TMED3: variants seen among roughly 807,000 people sequenced by gnomAD.
TMED3 encodes the protein transmembrane emp24 domain-containing protein 3.
A neutral mutation model predicts 15.0 loss-of-function variants in TMED3; 9 were observed. The observed-to-expected ratio is 0.60, with a 90% confidence interval of 0.36 to 1.04. The LOEUF is 1.04. TMED3 is among the 50% of genes least tolerant of loss of function. The pLI, the probability that TMED3 is intolerant of heterozygous loss-of-function variation, is 0.01. For synonymous variants in TMED3, 117 were observed against 121.4 expected (o/e 0.96, Z 0.24); for missense variants, 267 against 278.9 (o/e 0.96, Z 0.30).
At chr15:79,319,577 A>G (rs1295490317) in intron 2 of TMED3, among the ~76,000 whole-genome samples, 3 of 152,192 alleles carry the variant, frequency 2.0e-5, no homozygotes, top group Non-Finnish European at 4.4e-5. Context: ...AGAAATAAAG[A>G]CATAAGACAA....
intron 2 of TMED3, among the ~76,000 whole-genome samples, chr15:79,352,909 AAT>A (rs1171904055): frequency 4.8e-5 from 6 of 125,852 alleles, no homozygotes; most frequent in East Asian, 4.4e-4. Context: ...ATATACATAT[AAT>A]ATATATAAAA....
intron 2 of TMED3, among the ~76,000 whole-genome samples, chr15:79,334,184 TA>T (rs1225183944): frequency 6.6e-6 from 1 of 151,938 alleles, no homozygotes; most frequent in Admixed American, 6.6e-5. Flanking sequence ...CAAATAAGAG[TA>T]AAATAGAATT....
At chr15:79,364,818 G>C (rs1274751327) in intron 2 of TMED3, among the ~76,000 whole-genome samples, 1 of 151,796 alleles carries the variant, frequency 6.6e-6, no homozygotes, top group African/African-American at 2.4e-5. Context: ...ATCCCTCTGA[G>C]AGCCACCTCC....
Position 79,398,530 on chromosome 15 carries a change from A to G in TMED3, c.418-12870A>G, listed in dbSNP as rs994784447. On this transcript the variant is annotated intron_variant, in intron 2 of 2. Transcript: ENST00000424155. ...GAGACCGTGGTGTAGATTTCAATTC[A>G]AGGCTAAAGGCCTGAGAACGGGAAG... Among the ~76,000 whole-genome samples the G allele has an allele frequency of 2.0e-5, 3 of 150,662 alleles. No individual in the cohort carries two copies. The South Asian group carries it at 6.3e-4, about 32-fold the overall frequency.
At chr15:79,392,513 G>A (rs144458620) in intron 2 of TMED3, among the ~76,000 whole-genome samples, 124 of 152,272 alleles carry the variant, frequency 8.1e-4, no homozygotes, top group Admixed American at 2.9e-3. Context: ...TGGTGCTTTT[G>A]TCTCACAGCT....
chr15:79,322,489 G>A lies in TMED3; in HGVS notation c.*275G>A, dbSNP rs1482666056. 4 of 1,267,978 alleles carry A rather than the reference G, an allele frequency of 3.2e-6. No homozygotes were observed. The highest frequency in any genetic ancestry group is 4.0e-6 in the Non-Finnish European group (4 of 1,003,446). The allele number at this position is 1,267,978 out of a possible 1,614,324, so 78.5% of individuals were successfully genotyped here. The stretch of plus-strand genomic sequence containing the variant: ...ATTAGCCACTGTGGGAGGGTGGACA[G>A]GCAATGGTTCAGTGGCCTGGCTGTT... On this transcript the variant is annotated 3_prime_UTR_variant, in exon 3 of 3. Coordinates refer to ENST00000299705, the MANE Select transcript of TMED3 (RefSeq NM_007364.4).
Position 79,411,768 on chromosome 15 carries a change from C to T in TMED3, c.*264C>T, listed in dbSNP as rs1214666693. On this transcript the variant is annotated 3_prime_UTR_variant, in exon 3 of 3. Transcript: ENST00000424155. The stretch of plus-strand genomic sequence containing the variant: ...GAGTTGCTTGGAGAAGTGGTAGGGG[C>T]AGCACTTCAGCCTGGGTGGAGCCCA... 4 of 412,816 alleles carry T rather than the reference C, an allele frequency of 9.7e-6. No homozygotes were observed. In the Admixed American group the frequency reaches 1.0e-4, roughly 11 times the overall value. 25.6% of individuals were successfully genotyped at this position (412,816 alleles called of 1,614,324 possible).
intron 2 of TMED3, among the ~76,000 whole-genome samples, chr15:79,356,799 A>G (rs1303743548): frequency 2.6e-5 from 4 of 152,172 alleles, no homozygotes; most frequent in Non-Finnish European, 5.9e-5. Context: ...CTGTGTAGAG[A>G]TATTCACTGC....
At chr15:79,374,722 G>A (rs1443650677) in intron 2 of TMED3, among the ~76,000 whole-genome samples, 2 of 152,150 alleles carry the variant, frequency 1.3e-5, no homozygotes. Flanking sequence ...GATATTTCTG[G>A]ATGAAGCATG....
rs892498452 is a variant in TMED3, at chr15:79,311,425, C to T, written c.168+8C>T. On this transcript the variant is annotated splice_region_variant and intron_variant, in intron 1 of 2. Coordinates refer to ENST00000299705, the MANE Select transcript of TMED3 (RefSeq NM_007364.4). ...TTCTCCCTGGATTACCAGGTGAGGCCGGGCGCCCGGCAGCGCTCCCTTCTC... is the reference window on the plus strand; with the variant it reads ...TTCTCCCTGGATTACCAGGTGAGGCTGGGCGCCCGGCAGCGCTCCCTTCTC... 5 of 1,600,618 alleles carry T rather than the reference C, an allele frequency of 3.1e-6. No homozygotes were observed. The South Asian group carries it at 4.5e-5, about 14-fold the overall frequency.
At position 79,313,994 on chromosome 15, in the gene TMED3, G is replaced by A; in HGVS notation, c.406G>A (p.Ala136Thr). 6.2e-7 allele frequency: 1 copy of A among 1,614,216 alleles called. No homozygotes were observed. Among genetic ancestry groups the A allele is most frequent in the Non-Finnish European group, 8.5e-7 (1 of 1,180,038 alleles). Residue 136 changes from alanine to threonine, a missense_variant, in exon 2 of 3, where the codon GCT (alanine) becomes ACT (threonine). Physicochemically the swap from Ala to Thr is moderately conservative, Grantham distance 58. Around this residue, in one of 3 missense-constraint regions of TMED3, gnomAD observed 139 missense variants for 125.0 expected, o/e 1.11. Coordinates refer to ENST00000299705, the MANE Select transcript of TMED3 (RefSeq NM_007364.4). ...ILPDMGNRVT[A>T]LTQMESACVT... ...CCCAGACATGGGGAACAGGGTCACAGCTCTCACCCAGGTGAGTGAACATTA... is the reference window on the plus strand; with the variant it reads ...CCCAGACATGGGGAACAGGGTCACAACTCTCACCCAGGTGAGTGAACATTA...
intron 2 of TMED3, among the ~76,000 whole-genome samples, chr15:79,315,059 C>A: frequency 6.6e-6 from 1 of 152,154 alleles, no homozygotes; most frequent in East Asian, 1.9e-4. Context: ...AAAGCCACAG[C>A]GTCTTGAACT....
chr15:79,312,218 T>G (rs1291107948), intron 1 of TMED3, among the ~76,000 whole-genome samples: 1 of 152,110 alleles, frequency 6.6e-6, no homozygotes, highest in African/African-American at 2.4e-5. Context: ...GCAGCAGGAA[T>G]GGGGGCAAGC....
chr15:79,393,791 G>C lies in TMED3; in HGVS notation c.418-17609G>C, dbSNP rs951817397. ...GCTCACTGCAACCTCTGCCTCCCGG[G>C]CTCAAGCCATACTCCCACCTCAGCC... is the stretch of plus-strand genomic sequence containing the variant. On this transcript the variant is annotated intron_variant, in intron 2 of 2. Coordinates refer to the TMED3 transcript ENST00000424155. Among the ~76,000 whole-genome samples, 5 of 152,228 alleles carry C rather than the reference G, an allele frequency of 3.3e-5. No homozygotes were observed. The East Asian group carries it at 9.6e-4, about 29-fold the overall frequency.
At position 79,313,697 on chromosome 15, in the gene TMED3, T is replaced by C; in HGVS notation, c.169-60T>C. On this transcript the variant is annotated intron_variant, in intron 1 of 2. Transcript: ENST00000299705. Reference sequence around the variant, plus strand: ...TGTAGAGTCTGATCACAGTGTCTGGTTGGCATTTGGTAAGTGGTGGTTGCT... The same window carrying C: ...TGTAGAGTCTGATCACAGTGTCTGGCTGGCATTTGGTAAGTGGTGGTTGCT... 5 of 1,566,688 alleles carry C rather than the reference T, an allele frequency of 3.2e-6. No individual in the cohort carries two copies. The South Asian group carries it at 3.6e-5, about 11-fold the overall frequency.
At chr15:79,354,272 G>C (rs1343409143) in intron 2 of TMED3, among the ~76,000 whole-genome samples, 1 of 152,094 alleles carries the variant, frequency 6.6e-6, no homozygotes, top group East Asian at 1.9e-4. Flanking sequence ...GGGGAGTATG[G>C]AGGGCAGAGG....
At chr15:79,380,784 C>T (rs1893520184) in intron 2 of TMED3, among the ~76,000 whole-genome samples, 1 of 152,048 alleles carries the variant, frequency 6.6e-6, no homozygotes, top group South Asian at 2.1e-4. Context: ...TCCGATGTCT[C>T]ACTTAGCCTC....
At chr15:79,377,200 C>T (rs939630544) in intron 2 of TMED3, among the ~76,000 whole-genome samples, 1 of 151,888 alleles carries the variant, frequency 6.6e-6, no homozygotes, top group African/African-American at 2.4e-5. Context: ...AGTGGGCCTA[C>T]TTTCTAGGGT....
chr15:79,378,042 A>C (rs1893461531), intron 2 of TMED3, among the ~76,000 whole-genome samples: 1 of 152,228 alleles, frequency 6.6e-6, no homozygotes, highest in South Asian at 2.1e-4. Flanking sequence ...ATTTTAGCTT[A>C]TGCTATAATA....
Sources: allele counts gnomAD v4.1 joint callset (sites outside exome capture counted in the v4.1 genomes callset), GRCh38; gene constraint gnomAD v4.1.1; regional missense constraint gnomAD v4.1.1; transcripts MANE v1.5; gene names NCBI Gene and HGNC (gene_info 2026-07-23, HGNC 2026-07-21).